Variants in KIF5B observed in about 807,000 individuals in gnomAD.
The protein encoded by KIF5B is kinesin family member 5B, also known as kinesin-1 heavy chain.
Under a neutral mutation model 132.8 loss-of-function variants are expected in KIF5B, and 49 were observed. That is an observed-to-expected ratio of 0.37 (90% CI 0.29 to 0.47). The LOEUF is 0.47. Among genes scored for constraint, KIF5B ranks in the 20% least tolerant of loss-of-function variants. The probability of loss-of-function intolerance (pLI) is 1.00; values close to 1 mark genes in which losing one functional copy is unlikely to be tolerated. For missense variants in KIF5B, 780 were observed against 1,144.0 expected (o/e 0.68, Z 4.59); for synonymous variants, 355 against 369.4 (o/e 0.96, Z 0.45).
Position 32,009,949 on chromosome 10 carries a change from A to G in KIF5B, c.*1588T>C, listed in dbSNP as rs1841052475. ...AGATTTTTGACTATTAAAAAAATAA[A>G]TAAATAAATTTATATTTTAAATCAA... On this transcript the variant is annotated 3_prime_UTR_variant, in exon 26 of 26. Coordinates refer to ENST00000302418, the MANE Select transcript of KIF5B (RefSeq NM_004521.3). 1 of 152,126 alleles carries G rather than the reference A, an allele frequency of 6.6e-6. No individual in the cohort carries two copies. Among genetic ancestry groups the G allele is most frequent in the Admixed American group, 6.5e-5 (1 of 15,282 alleles). The allele number at this position is 152,126 out of a possible 1,614,324, so 9.4% of individuals were successfully genotyped here.
chr10:32,018,251 T>C, intron 22 of KIF5B, 65 bp downstream of exon 22: 2 of 1,446,602 alleles, frequency 1.4e-6, no homozygotes, highest in South Asian at 1.4e-5. Flanking sequence ...TCACTTTGAA[T>C]ACAAATAATT....
chr10:32,040,657 A>ACACACC lies in KIF5B; in HGVS notation c.215-201_215-200insGGTGTG, dbSNP rs370537671. 4.1e-3 allele frequency among the ~76,000 whole-genome samples: 566 copies of ACACACC among 137,678 alleles called. 3 individuals carry two copies. The highest frequency in any genetic ancestry group is 0.013 in the African/African-American group (479 of 37,684). The allele number at this position is 137,678 out of a possible 152,430, so 90.3% of individuals were successfully genotyped here. ...CACACACACACACACACACACACAC[A>ACACACC]CCCTCTTCCTAACCCTTGCATACTA... On this transcript the variant is annotated intron_variant, in intron 2 of 25. Transcript: ENST00000302418.
intron 2 of KIF5B, among the ~76,000 whole-genome samples, chr10:32,045,961 G>A (rs1220674885): frequency 6.6e-6 from 1 of 152,098 alleles, no homozygotes; most frequent in Non-Finnish European, 1.5e-5. Flanking sequence ...GACCCATTAA[G>A]CACTTTATAA....
At chr10:32,023,390 A>T (rs1841291067) in intron 15 of KIF5B, among the ~76,000 whole-genome samples, 1 of 152,204 alleles carries the variant, frequency 6.6e-6, no homozygotes, top group Non-Finnish European at 1.5e-5. Context: ...ATTCATTGTT[A>T]ATCATGTGCA....
rs1841361399 is a variant in KIF5B at position 32,028,551 on chromosome 10, A to G, written c.1602T>C (p.Asp534=). The G allele has an allele frequency of 1.9e-6, 3 of 1,613,366 alleles. No homozygotes were observed. Among genetic ancestry groups the G allele is most frequent in the East Asian group, 2.2e-5 (1 of 44,860 alleles). The change falls in exon 15 of 26, where the codon GAT becomes GAC. Residue 534 remains aspartate, a synonymous_variant. Transcript: ENST00000302418. ...TTTCCTTAAGTTTCTGAAGCTCAGC[A>G]TCTATACTCGCTAAAGTTGCCTAAG... ...NQKSATLASI[D]AELQKLKEMT...
chr10:32,018,182 A>G, intron 22 of KIF5B, 26 bp from the exon 23 acceptor site: 2 of 1,526,654 alleles, frequency 1.3e-6, no homozygotes, highest in Non-Finnish European at 1.8e-6. Context: ...AAGTATTACA[A>G]AAAAATTAAA....
At position 32,052,214 on chromosome 10, in the gene KIF5B, C is replaced by A. The variant is rs370143442; in HGVS notation, c.126+3634G>T. ...TTCTGAATAGCGGATCATTTCAGAT[C>A]ACTTGGGAGTGTATTATATTAGATT... On this transcript the variant is annotated intron_variant, in intron 1 of 25. Transcript: ENST00000302418. 8.5e-5 allele frequency among the ~76,000 whole-genome samples: 13 copies of A among 152,288 alleles called. No homozygotes were observed. The East Asian group carries it at 1.9e-3, about 23-fold the overall frequency.
At chr10:32,024,476 A>G (rs1371374215) in intron 15 of KIF5B, among the ~76,000 whole-genome samples, 3 of 150,050 alleles carry the variant, frequency 2.0e-5, no homozygotes, top group Non-Finnish European at 4.5e-5. Context: ...AAACTCAACA[A>G]TAGGAGGCCA....
intron 2 of KIF5B, among the ~76,000 whole-genome samples, chr10:32,044,132 C>CATG (rs1841578140): frequency 6.6e-6 from 1 of 152,178 alleles, no homozygotes; most frequent in Non-Finnish European, 1.5e-5. Flanking sequence ...ACAAGTCCCA[C>CATG]CAGCTACTAC....
chr10:32,044,888 A>G (rs1421154692), intron 2 of KIF5B, among the ~76,000 whole-genome samples: 2 of 152,198 alleles, frequency 1.3e-5, no homozygotes, highest in African/African-American at 2.4e-5. Flanking sequence ...TACTCTTACC[A>G]TATTACAGAG....
Position 32,034,781 on chromosome 10 carries a change from C to G in KIF5B, c.1020G>C (p.Trp340Cys). 1.2e-6 allele frequency: 2 copies of G among 1,609,190 alleles called. No homozygotes were observed. Among genetic ancestry groups the G allele is most frequent in the East Asian group, 4.5e-5 (2 of 44,482 alleles). ...CTTTTTCTTTTTCATACTTCTTTTT[C>G]CACTGTTCTGCAGTTAACTCCACAT... ...CVNVELTAEQWKKKYEKEKEK... is the reference protein window; with the variant it reads ...CVNVELTAEQCKKKYEKEKEK... Residue 340 changes from tryptophan to cysteine, a missense_variant, in exon 11 of 26, where the codon TGG (tryptophan) becomes TGC (cysteine). Coordinates refer to ENST00000302418, the MANE Select transcript of KIF5B (RefSeq NM_004521.3).
intron 23 of KIF5B, 114 bp downstream of exon 23, chr10:32,017,938 G>T: frequency 1.9e-6 from 1 of 519,652 alleles, no homozygotes; most frequent in Non-Finnish European, 3.5e-6. Flanking sequence ...CTGATAAAAT[G>T]GCTCAGGGTA....
In KIF5B at chr10:32,029,155, A is replaced by G. The variant is rs573133644; in HGVS notation, c.1582-584T>C. On this transcript the variant is annotated intron_variant, in intron 14 of 25. Transcript: ENST00000302418. The stretch of plus-strand genomic sequence containing the variant: ...ACAGCTACAAAATCACCAAATTTTG[A>G]AAAGTCCAACCCAGTTTGGTGCCCA... 8.5e-5 allele frequency among the ~76,000 whole-genome samples: 13 copies of G among 152,302 alleles called. No homozygotes were observed. In the South Asian group the frequency reaches 2.5e-3, roughly 29 times the overall value.
In KIF5B at chr10:32,048,507, A is replaced by C; in HGVS notation, c.171T>G (p.Ser57=). 6.2e-7 allele frequency: 1 copy of C among 1,613,744 alleles called. No homozygotes were observed. Among genetic ancestry groups the C allele is most frequent in the African/African-American group, 1.3e-5 (1 of 75,032 alleles). The part of the protein sequence containing the change: ...AFDRVFQSST[S]QEQVYNDCAK... The stretch of plus-strand genomic sequence containing the variant: ...CACAGTCATTATACACTTGCTCTTG[A>C]GATGTGCTTGACTGGAACACCCGAT... Residue 57 remains serine (S), a synonymous_variant, in exon 2 of 26, where the codon TCT becomes TCG. Transcript: ENST00000302418.
At chr10:32,032,020 G>A (rs1841409597) in intron 13 of KIF5B, among the ~76,000 whole-genome samples, 1 of 150,708 alleles carries the variant, frequency 6.6e-6, no homozygotes, top group African/African-American at 2.4e-5. Context: ...ACAAAACCTG[G>A]TATCAGCACA....
At chr10:32,047,653 T>A (rs918800267) in intron 2 of KIF5B, among the ~76,000 whole-genome samples, 27 of 152,196 alleles carry the variant, frequency 1.8e-4, no homozygotes, top group Admixed American at 1.7e-3. Flanking sequence ...AAACCTTCTA[T>A]AACTCCACTT....
At position 32,043,714 on chromosome 10, in the gene KIF5B, G is replaced by T. The variant is rs577304845; in HGVS notation, c.215-3257C>A. On this transcript the variant is annotated intron_variant, in intron 2 of 25. Transcript: ENST00000302418. ...TAAACCTTATTCAAAAGTAACAATT[G>T]TATCTAACAAATCTACAGATAGGGA... 2.0e-5 allele frequency among the ~76,000 whole-genome samples: 3 copies of T among 152,282 alleles called. No homozygotes were observed. The East Asian group carries it at 5.8e-4, about 29-fold the overall frequency.
chr10:32,014,487 A>T (rs1334302324), intron 25 of KIF5B, among the ~76,000 whole-genome samples: 5 of 152,156 alleles, frequency 3.3e-5, no homozygotes, highest in African/African-American at 1.2e-4. Flanking sequence ...AGTGGAGTCT[A>T]TTACAATAGT....
In KIF5B at chr10:32,021,238, T is replaced by C. The variant is rs1359767396; in HGVS notation, c.2082A>G (p.Ala694=). The change falls in exon 18 of 26, where the codon GCA becomes GCG. Residue 694 remains alanine, a synonymous_variant. Transcript: ENST00000302418. Reference sequence around the variant, plus strand: ...ACATCAAACTTGCCTTAACTTCATTTGCAGTCTGAACCTTATTTAAGTGCT... The same window carrying C: ...ACATCAAACTTGCCTTAACTTCATTCGCAGTCTGAACCTTATTTAAGTGCT... ...EKEHLNKVQT[A]NEVKQAVEQQ... is the part of the protein sequence containing the mutation. 1 of 1,613,266 alleles carries C rather than the reference T, an allele frequency of 6.2e-7. No individual in the cohort carries two copies. Among genetic ancestry groups the C allele is most frequent in the Non-Finnish European group, 8.5e-7 (1 of 1,179,376 alleles).
Sources: allele counts gnomAD v4.1 joint callset (sites outside exome capture counted in the v4.1 genomes callset), GRCh38; gene constraint gnomAD v4.1.1; transcripts MANE v1.5; gene names NCBI Gene and HGNC (gene_info 2026-07-23, HGNC 2026-07-21).